Variants in RBBP6 observed in about 807,000 individuals in gnomAD.
RBBP6 encodes RB binding protein 6, ubiquitin ligase, also known as E3 ubiquitin-protein ligase RBBP6.
RBBP6 carries 25 observed loss-of-function variants against 167.7 expected under a neutral mutation model. The ratio of observed to expected loss-of-function variants is 0.15; its 90% confidence interval spans 0.11 to 0.21. RBBP6 has a LOEUF of 0.21. Ranked by LOEUF, RBBP6 falls within the 10% of genes least tolerant of loss-of-function variation. RBBP6 has a pLI of 1.00. For missense variants in RBBP6, 1,868 were observed against 2,134.2 expected, an observed-to-expected ratio of 0.88 and a Z score of 2.46; for synonymous variants, 789 against 735.8, an observed-to-expected ratio of 1.07 and a Z score of -1.17.
chr16:24,545,685 C>G (rs1442875550), intron 1 of RBBP6, among the ~76,000 whole-genome samples: 1 of 152,148 alleles, frequency 6.6e-6, no homozygotes, highest in African/African-American at 2.4e-5. Flanking sequence ...AAGTTGTATT[C>G]CACTATTCAT....
intron 3 of RBBP6, chr16:24,549,438 G>A: frequency 1.1e-6 from 1 of 940,412 alleles, no homozygotes; most frequent in South Asian, 4.9e-5. Flanking sequence ...CTTAGTTTTT[G>A]TTAGTTTTTT....
Position 24,561,106 on chromosome 16 carries a change from A to AT in RBBP6, c.848-505dup, listed in dbSNP as rs1210010209. ...GTAGGTCTCTCATTTCCTTGCCTGA[A>AT]TAAAAACCCCAAGTTAGCCATGTAA... On this transcript the variant is annotated intron_variant, in intron 8 of 17. Transcript: ENST00000319715. Among the ~76,000 whole-genome samples, 4 of 152,308 alleles carry AT rather than the reference A, an allele frequency of 2.6e-5. No individual in the cohort carries two copies. In the East Asian group the frequency reaches 7.7e-4, roughly 29 times the overall value.
chr16:24,555,699 A>G lies in RBBP6; in HGVS notation c.433A>G (p.Ile145Val), dbSNP rs150507755. Reference protein sequence around the residue: ...MSQSGHEYDPINYMKKPLGPP... With the variant: ...MSQSGHEYDPVNYMKKPLGPP... ...GCAATCTGGCCATGAATACGACCCA[A>G]TCAAGTAAGTTCATAAATATTTTAT... The change falls in exon 5 of 18, where the codon ATC becomes GTC. Residue 145 changes from isoleucine to valine, a missense_variant. Physicochemically the swap from Ile to Val is conservative, Grantham distance 29. Coordinates refer to ENST00000319715, the MANE Select transcript of RBBP6 (RefSeq NM_006910.5). 8.7e-6 allele frequency: 14 copies of G among 1,612,606 alleles called. No homozygotes were observed. Among genetic ancestry groups the G allele is most frequent in the African/African-American group, 6.7e-5 (5 of 74,838 alleles).
chr16:24,561,330 A>AT (rs1010553832), intron 8 of RBBP6, among the ~76,000 whole-genome samples: 1 of 151,718 alleles, frequency 6.6e-6, no homozygotes, highest in Non-Finnish European at 1.5e-5. Flanking sequence ...GGCTCAAGTG[A>AT]TTCTCCTGTC....
rs1899120794 is a variant in RBBP6, at chr16:24,563,514, A to G, written c.1465+13A>G. On this transcript the variant is annotated intron_variant, in intron 12 of 17. Coordinates refer to ENST00000319715, the MANE Select transcript of RBBP6 (RefSeq NM_006910.5). ...ATCCCCACAACTGGTGAGTAAGATC[A>G]CTTTGGTTTAGACCTTTTTCCCTTT... The G allele has an allele frequency of 1.9e-6, 3 of 1,612,602 alleles. No homozygotes were observed. The highest frequency in any genetic ancestry group is 2.5e-6 in the Non-Finnish European group (3 of 1,179,394).
chr16:24,558,829 C>G (rs1000811883), intron 7 of RBBP6, among the ~76,000 whole-genome samples: 5 of 152,158 alleles, frequency 3.3e-5, no homozygotes, highest in Admixed American at 1.3e-4. Context: ...CGATTTTGAT[C>G]ATTTAAGTCA....
At position 24,572,766 on chromosome 16, in the gene RBBP6, T is replaced by C. The variant is rs184701648; in HGVS notation, c.*321T>C. On this transcript the variant is annotated 3_prime_UTR_variant, in exon 18 of 18. Transcript: ENST00000319715. ...TTTAATTGCCTGGCAAAAGCTGATA[T>C]AAGTTCTAAAATATCAGCAGAATGA... 1.8e-5 allele frequency: 4 copies of C among 217,702 alleles called. No individual in the cohort carries two copies. The highest frequency in any genetic ancestry group is 3.6e-5 in the Non-Finnish European group (4 of 110,196). 13.5% of individuals were successfully genotyped at this position (217,702 alleles called of 1,614,324 possible).
intron 7 of RBBP6, among the ~76,000 whole-genome samples, chr16:24,557,449 A>AT (rs1898940830): frequency 6.6e-6 from 1 of 152,064 alleles, no homozygotes; most frequent in Admixed American, 6.6e-5. Context: ...AACAGTTGTG[A>AT]TCTCACATAC....
chr16:24,550,313 A>T (rs1327834018), intron 3 of RBBP6, among the ~76,000 whole-genome samples: 1 of 147,678 alleles, frequency 6.8e-6, no homozygotes, highest in East Asian at 2.0e-4. Context: ...CAAAAGTCTT[A>T]GTGTTTGGGG....
At chr16:24,561,495 G>A (rs948525711) in intron 8 of RBBP6, 117 bp from the exon 9 acceptor site, 7 of 830,076 alleles carry the variant, frequency 8.4e-6, no homozygotes, top group Admixed American at 2.4e-5. Context: ...TGATTAGCAC[G>A]ACATGCTTGG....
rs1300896440 is a variant in RBBP6 at position 24,549,212 on chromosome 16, A to G, written c.303+231A>G. ...CCCGTAACACTGTTTCATATTAAAT[A>G]TGATAGCATTATCCCTGTATGACAC... is the stretch of plus-strand genomic sequence containing the variant. On this transcript the variant is annotated intron_variant, in intron 3 of 17. Transcript: ENST00000319715. 9.9e-6 allele frequency: 14 copies of G among 1,412,884 alleles called. No homozygotes were observed. The South Asian group carries it at 2.1e-4, about 21-fold the overall frequency. 87.5% of individuals were successfully genotyped at this position (1,412,884 alleles called of 1,614,324 possible).
chr16:24,562,233 A>G, intron 10 of RBBP6, 72 bp downstream of exon 10: 1 of 1,385,362 alleles, frequency 7.2e-7, no homozygotes, highest in South Asian at 1.3e-5. Context: ...GTTGGTTATC[A>G]CTTTTAACAG....
rs570928280 is a variant in RBBP6 at position 24,541,020 on chromosome 16, C to T, written c.166+228C>T. 2.7e-3 allele frequency among the ~76,000 whole-genome samples: 403 copies of T among 151,978 alleles called. 4 individuals carry two copies. Among genetic ancestry groups the T allele is most frequent in the Middle Eastern group, 0.024 (7 of 294 alleles). On this transcript the variant is annotated intron_variant, in intron 1 of 17. Coordinates refer to ENST00000319715, the MANE Select transcript of RBBP6 (RefSeq NM_006910.5). ...TCATCTGTAACAGGCTAACCCAAAA[C>T]GTGGAAGCCTGATTATTCTTCTCGC...
At position 24,571,784 on chromosome 16, in the gene RBBP6, T is replaced by C. The variant is rs1185367834; in HGVS notation, c.4718T>C (p.Val1573Ala). The change falls in exon 18 of 18, where the codon GTA (valine) becomes GCA (alanine). Residue 1573 changes from valine to alanine, a missense_variant. By Grantham distance (64) the Val-to-Ala change is moderately conservative. Coordinates refer to ENST00000319715, the MANE Select transcript of RBBP6 (RefSeq NM_006910.5). ...KNPCKDREKH[V>A]LEARNNKESS... is the part of the protein sequence containing the mutation. ...CCTTGTAAGGATCGTGAGAAGCATG[T>C]ATTAGAAGCAAGGAACAATAAAGAG... 6.2e-7 allele frequency: 1 copy of C among 1,613,898 alleles called. No individual in the cohort carries two copies. Among genetic ancestry groups the C allele is most frequent in the South Asian group, 1.1e-5 (1 of 91,070 alleles).
Position 24,562,100 on chromosome 16 carries a change from C to G in RBBP6, c.1228C>G (p.Pro410Ala). ...GNPSSAPAPV[P>A]DITATVSISV... is the part of the protein sequence containing the mutation. ...TCCGTCTTCTGCTCCAGCTCCTGTA[C>G]CTGATATAACTGCAACAGTATCCAT... Residue 410 changes from proline to alanine, a missense_variant, in exon 10 of 18, where the codon CCT becomes GCT. Around this residue, in one of 7 missense-constraint regions of RBBP6, gnomAD observed 245 missense variants for 240.1 expected, o/e 1.02. Transcript: ENST00000319715. 1 of 1,613,392 alleles carries G rather than the reference C, an allele frequency of 6.2e-7. No individual in the cohort carries two copies. The highest frequency in any genetic ancestry group is 8.5e-7 in the Non-Finnish European group (1 of 1,179,580).
At chr16:24,551,625 C>T (rs1898797871) in intron 3 of RBBP6, among the ~76,000 whole-genome samples, 1 of 151,412 alleles carries the variant, frequency 6.6e-6, no homozygotes, top group Non-Finnish European at 1.5e-5. Flanking sequence ...CACACAAAAG[C>T]CCAGCATAAA....
At chr16:24,542,430 C>G (rs977379417) in intron 1 of RBBP6, among the ~76,000 whole-genome samples, 1 of 150,616 alleles carries the variant, frequency 6.6e-6, no homozygotes, top group African/African-American at 2.4e-5. Context: ...CGTTATCCAT[C>G]TTTTCGACCC....
chr16:24,572,213 G>A lies in RBBP6; in HGVS notation c.5147G>A (p.Ser1716Asn). The A allele has an allele frequency of 6.2e-7, 1 of 1,614,054 alleles. No homozygotes were observed. Among genetic ancestry groups the A allele is most frequent in the Non-Finnish European group, 8.5e-7 (1 of 1,180,036 alleles). ...GGAAGCCAGACCCGAAGCCACAGTAGCAGTGCCAGCTCAGCAGAAAGTCAG... is the reference window on the plus strand; with the variant it reads ...GGAAGCCAGACCCGAAGCCACAGTAACAGTGCCAGCTCAGCAGAAAGTCAG... Reference protein sequence around the residue: ...PSGSQTRSHSSSASSAESQDS... With the variant: ...PSGSQTRSHSNSASSAESQDS... The change falls in exon 18 of 18, where the codon AGC becomes AAC. Residue 1716 changes from serine to asparagine, a missense_variant. Physicochemically the swap from Ser to Asn is conservative, Grantham distance 46. Transcript: ENST00000319715.
At chr16:24,556,547 A>G in intron 7 of RBBP6, 100 bp downstream of exon 7, 2 of 1,336,998 alleles carry the variant, frequency 1.5e-6, no homozygotes, top group South Asian at 3.6e-5. Context: ...GGATTCCTTG[A>G]GAACTTTGTA....
Sources: allele counts gnomAD v4.1 joint callset (sites outside exome capture counted in the v4.1 genomes callset), GRCh38; gene constraint gnomAD v4.1.1; regional missense constraint gnomAD v4.1.1; transcripts MANE v1.5; gene names NCBI Gene and HGNC (gene_info 2026-07-23, HGNC 2026-07-21).